ANAPC5: variants seen among roughly 807,000 people sequenced by gnomAD.
ANAPC5 encodes anaphase-promoting complex subunit 5.
ANAPC5 carries 60 observed loss-of-function variants against 91.3 expected under a neutral mutation model. The observed-to-expected ratio is 0.66, with a 90% CI of 0.53 to 0.81. The LOEUF (loss-of-function observed/expected upper bound fraction) is 0.81, where lower values mean the gene tolerates loss of function less well. ANAPC5 is among the 40% of genes least tolerant of loss of function. ANAPC5 has a pLI of 0.00. For synonymous variants in ANAPC5, 340 were observed against 364.1 expected (o/e 0.93, Z 0.75); for missense variants, 690 against 931.5 (o/e 0.74, Z 3.37).
intron 1 of ANAPC5, among the ~76,000 whole-genome samples, chr12:121,349,213 TG>T (rs1478730557): frequency 4.6e-5 from 7 of 152,270 alleles, no homozygotes; most frequent in African/African-American, 1.7e-4. Context: ...GTAAAGGAGT[TG>T]AGGTCTGGCT....
chr12:121,340,411 G>T (rs1283284933), intron 5 of ANAPC5, among the ~76,000 whole-genome samples: 2 of 151,540 alleles, frequency 1.3e-5, no homozygotes, highest in African/African-American at 4.9e-5. Flanking sequence ...TAATCCATCT[G>T]TAATATACTG....
rs1241972542 is a variant in ANAPC5 at position 121,327,233 on chromosome 12, T to C, written c.1305-2A>G. 1.2e-6 allele frequency: 2 copies of C among 1,612,044 alleles called. No individual in the cohort carries two copies. Among genetic ancestry groups the C allele is most frequent in the Non-Finnish European group, 1.7e-6 (2 of 1,179,768 alleles). On this transcript the variant is annotated splice_acceptor_variant, in intron 10 of 16. Coordinates refer to ENST00000261819, the MANE Select transcript of ANAPC5 (RefSeq NM_016237.5). LOFTEE classifies it high-confidence loss of function. ...TGGGCCTGTTGCAGTGCCATGGTGCTGGGTGGGGAGAGGGAACAGGATTTC... is the reference window on the plus strand; with the variant it reads ...TGGGCCTGTTGCAGTGCCATGGTGCCGGGTGGGGAGAGGGAACAGGATTTC...
chr12:121,330,643 T>A lies in ANAPC5; in HGVS notation c.1062A>T (p.Arg354Ser). The A allele has an allele frequency of 6.2e-7, 1 of 1,614,122 alleles. No homozygotes were observed. Among genetic ancestry groups the A allele is most frequent in the Non-Finnish European group, 8.5e-7 (1 of 1,179,994 alleles). Residue 354 changes from arginine to serine, a missense_variant, in exon 9 of 17, where the codon AGA (arginine) becomes AGT (serine). Transcript: ENST00000261819. Reference protein sequence around the residue: ...LSWLYVLGQKRSDSYVLLEHS... With the variant: ...LSWLYVLGQKSSDSYVLLEHS... Reference sequence around the variant, plus strand: ...GCTCCAGCAGAACATAGCTATCGGATCTCTTCTGCCCCAGCACATAAAGCC... The same window carrying A: ...GCTCCAGCAGAACATAGCTATCGGAACTCTTCTGCCCCAGCACATAAAGCC...
intron 6 of ANAPC5, among the ~76,000 whole-genome samples, chr12:121,336,623 T>C (rs1903248208): frequency 6.6e-6 from 1 of 152,094 alleles, no homozygotes; most frequent in South Asian, 2.1e-4. Flanking sequence ...GAGGTTGCAG[T>C]GAGCCAAGAT....
chr12:121,330,635 C>T lies in ANAPC5; in HGVS notation c.1070G>A (p.Ser357Asn), dbSNP rs1555272790. 6.2e-7 allele frequency: 1 copy of T among 1,614,154 alleles called. No individual in the cohort carries two copies. The change falls in exon 9 of 17, where the codon AGC (serine) becomes AAC (asparagine). Residue 357 changes from serine (S) to asparagine (N), a missense_variant. Coordinates refer to ENST00000261819, the MANE Select transcript of ANAPC5 (RefSeq NM_016237.5). ...LYVLGQKRSDSYVLLEHSVKK... is the reference protein window; with the variant it reads ...LYVLGQKRSDNYVLLEHSVKK... ...CACAGAATGCTCCAGCAGAACATAGCTATCGGATCTCTTCTGCCCCAGCAC... is the reference window on the plus strand; with the variant it reads ...CACAGAATGCTCCAGCAGAACATAGTTATCGGATCTCTTCTGCCCCAGCAC...
At position 121,352,297 on chromosome 12, in the gene ANAPC5, G is replaced by T. The variant is rs1555275497; in HGVS notation, c.44C>A (p.Thr15Asn). ...CACATTGGCGTGCACAACCCCATTGGTCATCATGGGATTGAAGTAGAGGCT... is the reference window on the plus strand; with the variant it reads ...CACATTGGCGTGCACAACCCCATTGTTCATCATGGGATTGAAGTAGAGGCT... ...HESLYFNPMM[T>N]NGVVHANVFG... is the part of the protein sequence containing the mutation. The change falls in exon 1 of 17, where the codon ACC becomes AAC. Residue 15 changes from threonine (T) to asparagine (N), a missense_variant. Coordinates refer to ENST00000261819, the MANE Select transcript of ANAPC5 (RefSeq NM_016237.5). 3.1e-6 allele frequency: 5 copies of T among 1,612,804 alleles called. No individual in the cohort carries two copies. The African/African-American group carries it at 6.7e-5, about 22-fold the overall frequency.
intron 1 of ANAPC5, among the ~76,000 whole-genome samples, chr12:121,348,659 C>T (rs147280511): frequency 0.018 from 2,800 of 152,030 alleles, 41 homozygotes; most frequent in Middle Eastern, 0.041. Flanking sequence ...AGCAAGACTC[C>T]GTCTCCAATA....
intron 15 of ANAPC5, among the ~76,000 whole-genome samples, chr12:121,311,416 G>A (rs755046944): frequency 2.0e-5 from 3 of 152,078 alleles, no homozygotes; most frequent in Non-Finnish European, 4.4e-5. Context: ...GGAAAAAGGA[G>A]GACATTATAT....
chr12:121,313,549 A>G (rs1902249879), intron 15 of ANAPC5, among the ~76,000 whole-genome samples: 1 of 152,210 alleles, frequency 6.6e-6, no homozygotes, highest in South Asian at 2.1e-4. Context: ...AAATAACCGA[A>G]GTCAGGGATG....
intron 13 of ANAPC5, among the ~76,000 whole-genome samples, chr12:121,319,274 C>G (rs1160605326): frequency 1.3e-5 from 2 of 150,722 alleles, no homozygotes; most frequent in Admixed American, 1.3e-4. Flanking sequence ...CACTCTGTTG[C>G]CTGGGCTGGA....
upstream of ANAPC5, among the ~76,000 whole-genome samples, chr12:121,354,090 G>A (rs1033231658): frequency 4.0e-5 from 6 of 150,842 alleles, no homozygotes; most frequent in African/African-American, 1.2e-4. Flanking sequence ...CCGGGTTCAA[G>A]CAATTCTCCT....
intron 2 of ANAPC5, 35 bp from the exon 3 acceptor site, chr12:121,347,040 G>T: frequency 7.4e-7 from 1 of 1,359,528 alleles, no homozygotes. Flanking sequence ...ATTTTAGAAA[G>T]GCCCTTTGAA....
In ANAPC5 at chr12:121,347,008, G is replaced by C. The variant is rs781836535; in HGVS notation, c.288-3C>G. ...CGCCTTCAGCCATCAGTTTGATTCT[G>C]AATGAGAAAATCGAGGTGCATATTT... is the stretch of plus-strand genomic sequence containing the variant. On this transcript the variant is annotated splice_region_variant and splice_polypyrimidine_tract_variant and intron_variant, in intron 2 of 16. Coordinates refer to ENST00000261819, the MANE Select transcript of ANAPC5 (RefSeq NM_016237.5). 4.4e-6 allele frequency: 7 copies of C among 1,592,052 alleles called. No individual in the cohort carries two copies. The highest frequency in any genetic ancestry group is 6.0e-6 in the Non-Finnish European group (7 of 1,170,150).
At chr12:121,317,335 C>A (rs1902408929) in intron 15 of ANAPC5, among the ~76,000 whole-genome samples, 1 of 151,080 alleles carries the variant, frequency 6.6e-6, no homozygotes, top group Non-Finnish European at 1.5e-5. Flanking sequence ...CTCACTGCAA[C>A]CTCCGCCTCC....
chr12:121,315,893 TATCTTAGAC>T (rs1360818026), intron 15 of ANAPC5, among the ~76,000 whole-genome samples: 33 of 152,214 alleles, frequency 2.2e-4, no homozygotes, highest in African/African-American at 7.7e-4. Flanking sequence ...GATTTGTCAG[TATCTTAGAC>T]ATGATACTAA....
At chr12:121,316,422 C>T (rs932708367) in intron 15 of ANAPC5, among the ~76,000 whole-genome samples, 2 of 152,090 alleles carry the variant, frequency 1.3e-5, no homozygotes, top group African/African-American at 4.8e-5. Flanking sequence ...CAATTCCGTT[C>T]GTAGGCATCA....
At chr12:121,323,320 C>G (rs138838921) in intron 11 of ANAPC5, among the ~76,000 whole-genome samples, 2 of 151,768 alleles carry the variant, frequency 1.3e-5, no homozygotes, top group African/African-American at 4.8e-5. Context: ...CTTATATTGT[C>G]GGGATGTTTA....
intron 7 of ANAPC5, chr12:121,331,952 C>T (rs1903059147): frequency 6.6e-6 from 1 of 152,402 alleles, no homozygotes; most frequent in African/African-American, 2.4e-5. Flanking sequence ...GGCGATGGAC[C>T]TCAGCCTCCT....
chr12:121,329,217 A>C (rs1555272611), intron 9 of ANAPC5: 3 of 152,202 alleles, frequency 2.0e-5, no homozygotes, highest in African/African-American at 7.2e-5. Flanking sequence ...GCAGTGCAGC[A>C]ATCTCGGCTC....
Sources: gnomAD v4.1 joint callset for allele counts (sites outside exome capture counted in the v4.1 genomes callset) on GRCh38, gnomAD v4.1.1 for gene constraint, MANE v1.5 for transcripts, NCBI Gene and HGNC (gene_info 2026-07-23, HGNC 2026-07-21) for gene names.